NECTIN3: variants seen among roughly 807,000 people sequenced by gnomAD.
NECTIN3 encodes the protein nectin cell adhesion molecule 3.
A neutral mutation model predicts 49.4 loss-of-function variants in NECTIN3; 8 were observed. The ratio of observed to expected loss-of-function variants is 0.16; its 90% confidence interval spans 0.10 to 0.29. NECTIN3 has a LOEUF of 0.29. Among genes scored for constraint, NECTIN3 ranks in the 10% least tolerant of loss-of-function variants. The pLI is 1.00. For missense variants in NECTIN3, 581 were observed against 654.6 expected (o/e 0.89, Z 1.23); for synonymous variants, 277 against 241.1 (o/e 1.15, Z -1.38).
intron 2 of NECTIN3, among the ~76,000 whole-genome samples, chr3:111,116,179 G>T (rs1278977773): frequency 6.6e-6 from 1 of 152,054 alleles, no homozygotes; most frequent in Non-Finnish European, 1.5e-5. Flanking sequence ...AAAGGAAGGG[G>T]TTAGAAAAAA....
rs1005048424 is a variant in NECTIN3, at chr3:111,135,242, T to C, written c.*1027T>C. The C allele has an allele frequency of 4.1e-6, 4 of 969,784 alleles. No individual in the cohort carries two copies. The highest frequency in any genetic ancestry group is 4.9e-6 in the Non-Finnish European group (4 of 816,028). The allele number at this position is 969,784 out of a possible 1,614,324, so 60.1% of individuals were successfully genotyped here. A position where few individuals can be genotyped will look rare whatever the true frequency, so the allele number is the denominator to read the frequency against. Reference sequence around the variant, plus strand: ...AAATTTTAGAGTAAACTTGGAACTTTGGATATAACTAGAAAAAACTAGATT... The same window carrying C: ...AAATTTTAGAGTAAACTTGGAACTTCGGATATAACTAGAAAAAACTAGATT... On this transcript the variant is annotated 3_prime_UTR_variant, in exon 6 of 6. Coordinates refer to ENST00000485303, the MANE Select transcript of NECTIN3 (RefSeq NM_015480.3).
Position 111,071,891 on chromosome 3 carries a change from C to A in NECTIN3, c.-127C>A, listed in dbSNP as rs955714509. On this transcript the variant is annotated 5_prime_UTR_variant, in exon 1 of 6. Coordinates refer to ENST00000485303, the MANE Select transcript of NECTIN3 (RefSeq NM_015480.3). ...TCGGCCAAGTGTCAGCCGGCAGCGA[C>A]GGCGCTAGAGCTGGGAGCTGGGGAC... 1.8e-6 allele frequency: 1 copy of A among 548,682 alleles called. No individual in the cohort carries two copies. 34.0% of individuals were successfully genotyped at this position (548,682 alleles called of 1,614,324 possible).
chr3:111,161,002 G>A (rs762123836), intron 7 of NECTIN3, among the ~76,000 whole-genome samples: 11 of 152,100 alleles, frequency 7.2e-5, no homozygotes, highest in African/African-American at 1.7e-4. Context: ...ACGAGACTCC[G>A]TCTCAAAAAA....
chr3:111,114,638 C>G (rs1285129921), intron 2 of NECTIN3, among the ~76,000 whole-genome samples: 2 of 151,998 alleles, frequency 1.3e-5, no homozygotes, highest in South Asian at 2.1e-4. Context: ...TGAGTCAGTC[C>G]TCAGTGGTGT....
At chr3:111,106,957 C>G (rs993081414) in intron 1 of NECTIN3, among the ~76,000 whole-genome samples, 45 of 152,052 alleles carry the variant, frequency 3.0e-4, no homozygotes, top group African/African-American at 1.1e-3. Context: ...AAGATAGTAT[C>G]AGAGTTTTAA....
chr3:111,174,871 C>T (rs1429554169), intron 7 of NECTIN3, among the ~76,000 whole-genome samples: 2 of 152,166 alleles, frequency 1.3e-5, no homozygotes, highest in Non-Finnish European at 2.9e-5. Context: ...TCTGCAAGGG[C>T]AGAAGGCCAG....
At chr3:111,110,421 CAT>C (rs1342323353) in intron 1 of NECTIN3, among the ~76,000 whole-genome samples, 14 of 152,056 alleles carry the variant, frequency 9.2e-5, no homozygotes, top group Admixed American at 5.9e-4. Context: ...ATAAGAAAGT[CAT>C]GTGAGCTTTT....
intron 7 of NECTIN3, among the ~76,000 whole-genome samples, chr3:111,159,840 T>C (rs141180462): frequency 0.014 from 2,116 of 152,332 alleles, 23 homozygotes; most frequent in Middle Eastern, 0.031. Context: ...TTTTTAAAAA[T>C]CTCTTAAGCA....
chr3:111,112,848 G>C lies in NECTIN3; in HGVS notation c.502+477G>C, dbSNP rs1311686230. On this transcript the variant is annotated intron_variant, in intron 2 of 5. Coordinates refer to ENST00000485303, the MANE Select transcript of NECTIN3 (RefSeq NM_015480.3). ...ATAGCTATCTGAATATGGTGCTTTT[G>C]CTCATAATAGTGATATTCCACTATT... Among the ~76,000 whole-genome samples, 3 of 151,894 alleles carry C rather than the reference G, an allele frequency of 2.0e-5. No homozygotes were observed. The East Asian group carries it at 5.8e-4, about 29-fold the overall frequency.
chr3:111,144,778 T>C, intron 5 of NECTIN3: 1 of 1,172,308 alleles, frequency 8.5e-7, no homozygotes, highest in Non-Finnish European at 1.2e-6. Context: ...TTTGGGGTCC[T>C]CTAACCTGGC....
chr3:111,160,396 C>A, intron 7 of NECTIN3, among the ~76,000 whole-genome samples: 1 of 151,818 alleles, frequency 6.6e-6, no homozygotes. Context: ...AGTCAAGATT[C>A]ATAAATTTTG....
chr3:111,073,441 A>C (rs977089996), intron 1 of NECTIN3: 5 of 152,260 alleles, frequency 3.3e-5, no homozygotes, highest in Admixed American at 2.6e-4. Flanking sequence ...ACAGTTTACC[A>C]CCACGTTTCC....
intron 1 of NECTIN3, chr3:111,077,288 A>C (rs2031273632): frequency 2.8e-6 from 1 of 360,886 alleles, no homozygotes; most frequent in Non-Finnish European, 5.8e-6. Flanking sequence ...GTGAGTAGAT[A>C]TTCATAAACT....
Position 111,135,074 on chromosome 3 carries a change from G to A in NECTIN3, c.*859G>A, listed in dbSNP as rs180985217. ...AACATACTAATAGAAATGAAAAGAC[G>A]CAGAGAGAGCATTTCGGAATACTGA... On this transcript the variant is annotated 3_prime_UTR_variant, in exon 6 of 6. Coordinates refer to ENST00000485303, the MANE Select transcript of NECTIN3 (RefSeq NM_015480.3). 1.6e-3 allele frequency: 1,589 copies of A among 979,848 alleles called. 14 individuals carry two copies. The African/African-American group carries it at 0.019, about 12-fold the overall frequency. 60.7% of individuals were successfully genotyped at this position (979,848 alleles called of 1,614,324 possible).
At chr3:111,101,775 A>C (rs1251338367) in intron 1 of NECTIN3, among the ~76,000 whole-genome samples, 3 of 152,200 alleles carry the variant, frequency 2.0e-5, no homozygotes, top group African/African-American at 7.2e-5. Context: ...ACTGTTTTAG[A>C]AAATGCTAAG....
intron 4 of NECTIN3, among the ~76,000 whole-genome samples, chr3:111,124,128 A>G (rs1292898701): frequency 6.6e-6 from 1 of 151,886 alleles, no homozygotes; most frequent in African/African-American, 2.4e-5. Context: ...AACCTTTTTC[A>G]TTTACATTTT....
chr3:111,177,541 A>G (rs2035553866), intron 7 of NECTIN3, among the ~76,000 whole-genome samples: 1 of 152,134 alleles, frequency 6.6e-6, no homozygotes. Context: ...TAGTATGATG[A>G]TAGGTGATTT....
At chr3:111,191,233 C>G (rs2035807174), upstream of NECTIN3, among the ~76,000 whole-genome samples, 1 of 152,176 alleles carries the variant, frequency 6.6e-6, no homozygotes, top group Non-Finnish European at 1.5e-5. Context: ...AGTTGTGTGA[C>G]TGGAGACAAC....
chr3:111,175,369 C>A (rs2035508359), intron 7 of NECTIN3, among the ~76,000 whole-genome samples: 1 of 151,540 alleles, frequency 6.6e-6, no homozygotes, highest in South Asian at 2.1e-4. Context: ...GCCAGGCAAC[C>A]ACCCTCTTCT....
Sources: gnomAD v4.1 joint callset for allele counts (sites outside exome capture counted in the v4.1 genomes callset) on GRCh38, gnomAD v4.1.1 for gene constraint, MANE v1.5 for transcripts, NCBI Gene and HGNC (gene_info 2026-07-23, HGNC 2026-07-21) for gene names.